Variants in NEO1 observed in about 807,000 individuals in gnomAD.
NEO1 encodes neogenin.
NEO1 carries 63 observed loss-of-function variants against 159.7 expected under a neutral mutation model. The observed-to-expected ratio is 0.39, with a 90% CI of 0.32 to 0.49. The LOEUF (loss-of-function observed/expected upper bound fraction) is 0.49. Ranked by LOEUF, NEO1 falls within the 20% of genes least tolerant of loss-of-function variation. The pLI is 0.85. For missense variants in NEO1, 1,615 were observed against 1,831.0 expected (o/e 0.88, Z 2.15); for synonymous variants, 633 against 662.0 (o/e 0.96, Z 0.67).
intron 5 of NEO1, among the ~76,000 whole-genome samples, chr15:73,163,834 A>T (rs1401575765): frequency 6.6e-6 from 1 of 152,108 alleles, no homozygotes; most frequent in Non-Finnish European, 1.5e-5. Flanking sequence ...TCATGAAATC[A>T]TTGGGGTCCC....
chr15:73,143,945 T>C (rs968858032), intron 5 of NEO1, among the ~76,000 whole-genome samples: 1 of 152,212 alleles, frequency 6.6e-6, no homozygotes, highest in African/African-American at 2.4e-5. Flanking sequence ...GGAGTTCTTA[T>C]CAACAGGAAC....
At chr15:73,133,086 T>C (rs2031331973) in intron 4 of NEO1, among the ~76,000 whole-genome samples, 1 of 152,132 alleles carries the variant, frequency 6.6e-6, no homozygotes, top group Admixed American at 6.5e-5. Context: ...CACATGCATG[T>C]TTATAGCAGC....
chr15:73,120,072 G>A (rs1282470547), intron 2 of NEO1, among the ~76,000 whole-genome samples: 1 of 152,094 alleles, frequency 6.6e-6, no homozygotes, highest in African/African-American at 2.4e-5. Flanking sequence ...GGAGGCAGAT[G>A]TTGCAGTGAG....
intron 1 of NEO1, among the ~76,000 whole-genome samples, chr15:73,077,589 ATTTAACTG>A (rs2068835851): frequency 6.6e-6 from 1 of 152,224 alleles, no homozygotes; most frequent in Non-Finnish European, 1.5e-5. Context: ...AGTCCAGTCT[ATTTAACTG>A]TGTTTAGCAA....
At chr15:73,187,475 C>T (rs779649493) in intron 7 of NEO1, among the ~76,000 whole-genome samples, 19 of 152,110 alleles carry the variant, frequency 1.2e-4, no homozygotes, top group Non-Finnish European at 2.8e-4. Context: ...AACTTAGAAT[C>T]ACAAACTATC....
At position 73,288,917 on chromosome 15, in the gene NEO1, C is replaced by T. The variant is rs562266758; in HGVS notation, c.3650-229C>T. On this transcript the variant is annotated intron_variant, in intron 24 of 28. Coordinates refer to ENST00000261908, the MANE Select transcript of NEO1 (RefSeq NM_002499.4). ...TTCTTGGTCTGGAGGCTCTTATAGA[C>T]ACCCTGTGAAGTATGGTGGGCAGCA... 1.1e-4 allele frequency among the ~76,000 whole-genome samples: 17 copies of T among 152,332 alleles called. No individual in the cohort carries two copies. The South Asian group carries it at 3.5e-3, about 32-fold the overall frequency.
At chr15:73,056,189 C>A (rs115989075) in intron 1 of NEO1, among the ~76,000 whole-genome samples, 17 of 152,334 alleles carry the variant, frequency 1.1e-4, no homozygotes, top group African/African-American at 3.8e-4. Flanking sequence ...CTCTTGTCAC[C>A]CCTAACATGC....
chr15:73,289,002 CT>C, intron 24 of NEO1, 143 bp from the exon 25 acceptor site: 1 of 646,376 alleles, frequency 1.5e-6, no homozygotes. Context: ...TCATTTTCCT[CT>C]TTATTTCACT....
chr15:73,244,011 A>C (rs1298169776), intron 8 of NEO1, among the ~76,000 whole-genome samples: 3 of 152,176 alleles, frequency 2.0e-5, no homozygotes, highest in Admixed American at 2.0e-4. Context: ...CCTAAAACTC[A>C]GTGATTTCTA....
At chr15:73,100,887 T>A (rs1595982138) in intron 1 of NEO1, among the ~76,000 whole-genome samples, 1 of 152,178 alleles carries the variant, frequency 6.6e-6, no homozygotes, top group Admixed American at 6.5e-5. Context: ...CAAATTCTGG[T>A]CCTTCCCAAC....
intron 7 of NEO1, among the ~76,000 whole-genome samples, chr15:73,182,255 GA>G (rs1232838560): frequency 6.6e-6 from 1 of 152,114 alleles, no homozygotes; most frequent in Non-Finnish European, 1.5e-5. Context: ...TACAATTCAA[GA>G]TAAGATTTGG....
At chr15:73,171,609 A>C (rs1214133393) in intron 5 of NEO1, among the ~76,000 whole-genome samples, 1 of 129,540 alleles carries the variant, frequency 7.7e-6, no homozygotes, top group Non-Finnish European at 1.6e-5. Flanking sequence ...TGATATTAAG[A>C]AACTATTATT....
intron 5 of NEO1, among the ~76,000 whole-genome samples, chr15:73,137,209 C>G (rs547004781): frequency 6.6e-6 from 1 of 151,970 alleles, no homozygotes; most frequent in Non-Finnish European, 1.5e-5. Flanking sequence ...GATTGGCAAC[C>G]AAGTGAATAA....
rs1296550620 is a variant in NEO1, at chr15:73,098,100, CA to C, written c.131-18439del. ...ATCCCACAACACACACACACACACACACCCTCAGAATAACAATACTAATGCT... is the reference window on the plus strand; with the variant it reads ...ATCCCACAACACACACACACACACACCCCTCAGAATAACAATACTAATGCT... On this transcript the variant is annotated intron_variant, in intron 1 of 28. Coordinates refer to ENST00000261908, the MANE Select transcript of NEO1 (RefSeq NM_002499.4). Among the ~76,000 whole-genome samples, 343 of 152,060 alleles carry C rather than the reference CA, an allele frequency of 2.3e-3. 3 individuals are homozygous for C. The highest frequency in any genetic ancestry group is 3.7e-4 in the Non-Finnish European group (25 of 67,986).
intron 4 of NEO1, among the ~76,000 whole-genome samples, chr15:73,133,564 G>A (rs2031395789): frequency 1.3e-5 from 2 of 152,236 alleles, no homozygotes; most frequent in African/African-American, 4.8e-5. Flanking sequence ...TTTTTTGAAA[G>A]CCTTTCCGCT....
chr15:73,261,576 G>C (rs2040620488), intron 15 of NEO1, among the ~76,000 whole-genome samples: 2 of 152,122 alleles, frequency 1.3e-5, no homozygotes, highest in South Asian at 4.1e-4. Flanking sequence ...ACGTAGAATA[G>C]CATCAAAAAA....
chr15:73,213,446 C>G (rs1252432739), intron 7 of NEO1, among the ~76,000 whole-genome samples: 1 of 152,108 alleles, frequency 6.6e-6, no homozygotes, highest in Non-Finnish European at 1.5e-5. Context: ...CCCAAGTCCC[C>G]AAAGTCCATA....
At chr15:73,058,682 T>G (rs2151227978) in intron 1 of NEO1, among the ~76,000 whole-genome samples, 1 of 152,284 alleles carries the variant, frequency 6.6e-6, no homozygotes, top group South Asian at 2.1e-4. Flanking sequence ...TTTTTGAAGG[T>G]TTTACCACTT....
intron 22 of NEO1, among the ~76,000 whole-genome samples, chr15:73,282,457 G>C (rs565069483): frequency 6.6e-6 from 1 of 152,176 alleles, no homozygotes; most frequent in East Asian, 1.9e-4. Flanking sequence ...TTAACTCTGC[G>C]TAGGCTGTGT....
Sources: gnomAD v4.1 joint callset for allele counts (sites outside exome capture counted in the v4.1 genomes callset) on GRCh38, gnomAD v4.1.1 for gene constraint, MANE v1.5 for transcripts, NCBI Gene and HGNC (gene_info 2026-07-23, HGNC 2026-07-21) for gene names.